LYPD6B: variants seen among roughly 807,000 people sequenced by gnomAD.
LYPD6B encodes the protein ly6/PLAUR domain-containing protein 6B.
LYPD6B carries 17 observed loss-of-function variants against 22.8 expected under a neutral mutation model. That is an observed-to-expected ratio of 0.75 (90% CI 0.51 to 1.12). The LOEUF is 1.12. Among genes scored for constraint, LYPD6B ranks in the 50% most tolerant of loss-of-function variants. The probability of loss-of-function intolerance (pLI) is 0.00; values close to 1 mark genes in which losing one functional copy is unlikely to be tolerated. For synonymous variants in LYPD6B, 106 were observed against 91.6 expected (o/e 1.16, Z -0.90); for missense variants, 221 against 258.3 (o/e 0.86, Z 0.99).
chr2:149,080,975 G>A (rs1434056698), intron 1 of LYPD6B, among the ~76,000 whole-genome samples: 1 of 151,594 alleles, frequency 6.6e-6, no homozygotes, highest in Non-Finnish European at 1.5e-5. Context: ...CTTATATGAA[G>A]TCAGTTTAAG....
At chr2:149,133,935 G>A (rs933141220) in intron 2 of LYPD6B, among the ~76,000 whole-genome samples, 1 of 152,114 alleles carries the variant, frequency 6.6e-6, no homozygotes, top group Non-Finnish European at 1.5e-5. Flanking sequence ...ATATTGAGGG[G>A]AGAGGAAAGA....
chr2:149,086,359 A>G (rs1174939597), intron 1 of LYPD6B, among the ~76,000 whole-genome samples: 1 of 152,216 alleles, frequency 6.6e-6, no homozygotes, highest in Non-Finnish European at 1.5e-5. Context: ...GTCTCGTTTC[A>G]TAGCAGCCTT....
At chr2:149,188,217 T>C (rs1187344283) in intron 3 of LYPD6B, among the ~76,000 whole-genome samples, 2 of 146,256 alleles carry the variant, frequency 1.4e-5, no homozygotes, top group African/African-American at 5.0e-5. Flanking sequence ...TTTTCTCTCA[T>C]TTACTTCTAG....
chr2:149,131,999 A>G (rs1445351017), intron 2 of LYPD6B, among the ~76,000 whole-genome samples: 2 of 151,950 alleles, frequency 1.3e-5, no homozygotes, highest in African/African-American at 4.8e-5. Flanking sequence ...TGAGACCGGG[A>G]GAGGGGAAAA....
chr2:149,119,764 TG>T (rs1687192195), intron 1 of LYPD6B, among the ~76,000 whole-genome samples: 1 of 152,180 alleles, frequency 6.6e-6, no homozygotes, highest in South Asian at 2.1e-4. Context: ...GGCCCCCAAA[TG>T]GCGATGTTCA....
intron 1 of LYPD6B, among the ~76,000 whole-genome samples, chr2:149,110,885 G>A (rs1198001301): frequency 6.6e-6 from 1 of 152,166 alleles, no homozygotes; most frequent in East Asian, 1.9e-4. Flanking sequence ...AGAGAACAAT[G>A]GGGAGTGGAA....
At position 149,097,290 on chromosome 2, in the gene LYPD6B, C is replaced by T. The variant is rs191990953; in HGVS notation, c.-66-33593C>T. On this transcript the variant is annotated intron_variant, in intron 1 of 6. Coordinates refer to ENST00000409642, the MANE Select transcript of LYPD6B (RefSeq NM_177964.5). ...AAGAACAAGATGCAGACAATGGGAA[C>T]GTTCTTCAACTTTTTAACTGCTTAA... 2.2e-3 allele frequency among the ~76,000 whole-genome samples: 338 copies of T among 152,282 alleles called. 2 individuals are homozygous for T. The highest frequency in any genetic ancestry group is 8.0e-3 in the African/African-American group (331 of 41,562).
chr2:149,145,120 T>C (rs1295466587), intron 2 of LYPD6B, among the ~76,000 whole-genome samples: 2 of 152,102 alleles, frequency 1.3e-5, no homozygotes, highest in African/African-American at 2.4e-5. Flanking sequence ...GAAACACAGT[T>C]TTAAATTAGG....
intron 1 of LYPD6B, among the ~76,000 whole-genome samples, chr2:149,123,991 G>A (rs12464363): frequency 0.52 from 79,317 of 152,072 alleles, 21,007 homozygotes; most frequent in East Asian, 0.85. Context: ...ATGTTATCCA[G>A]GAAGGCCCCC....
chr2:149,201,528 C>A (rs1445991803), intron 3 of LYPD6B, among the ~76,000 whole-genome samples: 1 of 152,086 alleles, frequency 6.6e-6, no homozygotes, highest in Admixed American at 6.6e-5. Flanking sequence ...TATAGTTAGT[C>A]ATTTACTTTT....
intron 2 of LYPD6B, among the ~76,000 whole-genome samples, chr2:149,133,622 T>A (rs998240604): frequency 6.6e-6 from 1 of 152,180 alleles, no homozygotes; most frequent in Non-Finnish European, 1.5e-5. Context: ...TAAGGTATAA[T>A]CCTAGATGTA....
At chr2:149,093,536 G>A (rs370875937) in intron 1 of LYPD6B, among the ~76,000 whole-genome samples, 35 of 152,260 alleles carry the variant, frequency 2.3e-4, no homozygotes, top group African/African-American at 8.4e-4. Flanking sequence ...GTGCCCATGG[G>A]CCATCTCTTT....
chr2:149,152,092 C>A (rs1382582875), intron 2 of LYPD6B, among the ~76,000 whole-genome samples: 1 of 152,126 alleles, frequency 6.6e-6, no homozygotes, highest in Non-Finnish European at 1.5e-5. Context: ...TTTTCAAAAG[C>A]TTTCTTTTCT....
chr2:149,126,482 A>G (rs1261410841), intron 1 of LYPD6B, among the ~76,000 whole-genome samples: 2 of 152,244 alleles, frequency 1.3e-5, no homozygotes, highest in Non-Finnish European at 2.9e-5. Context: ...TACAAAAATC[A>G]TAAGGAAGAG....
intron 2 of LYPD6B, among the ~76,000 whole-genome samples, chr2:149,142,668 A>G (rs1406589141): frequency 6.6e-6 from 1 of 152,096 alleles, no homozygotes; most frequent in Non-Finnish European, 1.5e-5. Flanking sequence ...CTGTCTTTAA[A>G]AAAAAAAGTT....
intron 1 of LYPD6B, among the ~76,000 whole-genome samples, chr2:149,090,257 A>G (rs1374018908): frequency 2.0e-5 from 3 of 152,232 alleles, no homozygotes; most frequent in South Asian, 2.1e-4. Context: ...CAGCTTAACC[A>G]TGAACATAAT....
intron 3 of LYPD6B, among the ~76,000 whole-genome samples, chr2:149,189,408 T>C (rs1692355104): frequency 8.3e-6 from 1 of 120,394 alleles, no homozygotes; most frequent in South Asian, 3.0e-4. Flanking sequence ...TGTTAAATAG[T>C]AATTTAGTTA....
chr2:149,211,437 G>A (rs575164596), intron 5 of LYPD6B, among the ~76,000 whole-genome samples: 2 of 152,170 alleles, frequency 1.3e-5, no homozygotes, highest in East Asian at 3.9e-4. Flanking sequence ...ATTGTCCTCA[G>A]TTTACCAGTA....
At chr2:149,176,091 A>G (rs1290686829) in intron 3 of LYPD6B, among the ~76,000 whole-genome samples, 1 of 152,214 alleles carries the variant, frequency 6.6e-6, no homozygotes, top group Non-Finnish European at 1.5e-5. Flanking sequence ...GCTTTATACA[A>G]CAAGCAGCAC....
Sources: allele counts gnomAD v4.1 joint callset (sites outside exome capture counted in the v4.1 genomes callset), GRCh38; gene constraint gnomAD v4.1.1; transcripts MANE v1.5; gene names NCBI Gene and HGNC (gene_info 2026-07-23, HGNC 2026-07-21).